The following LMLN variants were observed in gnomAD, a reference collection of about 807,000 sequenced individuals.
The protein encoded by LMLN is leishmanolysin like peptidase.
Under a neutral mutation model 92.3 loss-of-function variants are expected in LMLN, and 70 were observed. That is an observed-to-expected ratio of 0.76 (90% CI 0.63 to 0.92). The LOEUF is 0.92. Ranked by LOEUF, LMLN falls within the 40% of genes least tolerant of loss-of-function variation. LMLN has a pLI of 0.00. For synonymous variants in LMLN, 308 were observed against 296.2 expected (o/e 1.04, Z -0.41); for missense variants, 691 against 814.6 (o/e 0.85, Z 1.85).
intron 14 of LMLN, among the ~76,000 whole-genome samples, chr3:198,035,538 T>A (rs1191116122): frequency 2.0e-5 from 3 of 151,748 alleles, no homozygotes; most frequent in African/African-American, 7.3e-5. Context: ...AGTTTTTGTA[T>A]TTTTAGTAGA....
intron 10 of LMLN, among the ~76,000 whole-genome samples, chr3:197,997,164 C>T (rs1362908046): frequency 6.7e-6 from 1 of 150,366 alleles, no homozygotes; most frequent in East Asian, 2.0e-4. Context: ...TGTCTCACTC[C>T]ACTTGGTCAG....
In LMLN at chr3:198,019,892, A is replaced by G. The variant is rs906833041; in HGVS notation, c.1365+507A>G. ...ATCTTTTTTTCCGAGACCGAGTCTC[A>G]CTCTGTCGCCCAGGCTGGAGTGCAG... On this transcript the variant is annotated intron_variant, in intron 12 of 15. Transcript: ENST00000330198. The surrounding 1 kb of genome is among the most constrained non-coding windows in gnomAD (Gnocchi z 5.5). Among the ~76,000 whole-genome samples, 1 of 152,070 alleles carries G rather than the reference A, an allele frequency of 6.6e-6. No individual in the cohort carries two copies. Among genetic ancestry groups the G allele is most frequent in the East Asian group, 1.9e-4 (1 of 5,166 alleles).
chr3:198,035,309 A>T (rs1203816167), intron 14 of LMLN, among the ~76,000 whole-genome samples: 1 of 149,252 alleles, frequency 6.7e-6, no homozygotes, highest in African/African-American at 2.5e-5. Context: ...AAGTTTAAGA[A>T]CTCCTGCCAC....
rs57863980 is a variant in LMLN at position 197,978,218 on chromosome 3, A to G, written c.549+1503A>G. Among the ~76,000 whole-genome samples, 256 of 152,372 alleles carry G rather than the reference A, an allele frequency of 1.7e-3. 1 individual carries two copies. The highest frequency in any genetic ancestry group is 3.6e-3 in the African/African-American group (149 of 41,584). The stretch of plus-strand genomic sequence containing the variant: ...GTATACACACGTTAATTCTGGATAC[A>G]TATAAAAATGTTAATCATTTCTTTA... On this transcript the variant is annotated intron_variant, in intron 5 of 15. Coordinates refer to ENST00000330198, the Ensembl canonical transcript of LMLN.
chr3:197,986,525 T>C (rs1453624600), intron 8 of LMLN, among the ~76,000 whole-genome samples: 3 of 152,180 alleles, frequency 2.0e-5, no homozygotes, highest in African/African-American at 7.2e-5. Context: ...GTTACAGATA[T>C]AAAGAATTGG....
intron 14 of LMLN, among the ~76,000 whole-genome samples, chr3:198,027,476 G>A (rs373384518): frequency 6.6e-6 from 1 of 151,936 alleles, no homozygotes; most frequent in African/African-American, 2.4e-5. Context: ...GCCACCGAGC[G>A]TCTCAGAAAC....
exon 16 of LMLN, chr3:198,038,943 C>T (rs1723317075): frequency 3.6e-6 from 1 of 281,440 alleles, no homozygotes; most frequent in Non-Finnish European, 6.4e-6. Flanking sequence ...CCAACCACCT[C>T]GTCAGCAACC....
intron 10 of LMLN, 39 bp downstream of exon 10, chr3:197,996,321 G>A: frequency 8.0e-7 from 1 of 1,246,756 alleles, no homozygotes; most frequent in Non-Finnish European, 1.1e-6. Flanking sequence ...TTTATTTAAT[G>A]AAAATAATTC....
chr3:198,034,380 C>T (rs914239663), intron 14 of LMLN, among the ~76,000 whole-genome samples: 51 of 152,034 alleles, frequency 3.4e-4, no homozygotes, highest in African/African-American at 1.2e-3. Flanking sequence ...GAGGCCGAGG[C>T]GGGCAGATCA....
At chr3:198,040,418 A>C (rs919537214) in exon 16 of LMLN, 2 of 152,290 alleles carry the variant, frequency 1.3e-5, no homozygotes, top group African/African-American at 4.8e-5. Context: ...TTTAACAAGA[A>C]TATGAAAAGA....
At chr3:198,021,639 A>G (rs750192582) in intron 13 of LMLN, 34 bp downstream of exon 14, 3 of 1,568,674 alleles carry the variant, frequency 1.9e-6, no homozygotes, top group South Asian at 1.1e-5. Flanking sequence ...TATTATATAC[A>G]TATTAAAATT....
intron 11 of LMLN, among the ~76,000 whole-genome samples, chr3:198,014,183 A>C (rs1722545158): frequency 6.8e-6 from 1 of 147,348 alleles, no homozygotes; most frequent in African/African-American, 2.6e-5. Flanking sequence ...AGAGCCTCCT[A>C]ACTAGTCTGA....
intron 14 of LMLN, among the ~76,000 whole-genome samples, chr3:198,028,538 G>A (rs924454681): frequency 2.0e-5 from 3 of 152,186 alleles, no homozygotes; most frequent in African/African-American, 7.2e-5. Context: ...AGACCTTTAA[G>A]CGTGTGTTTT....
exon 15 of LMLN, chr3:198,035,851 G>C: frequency 6.2e-7 from 1 of 1,613,728 alleles, no homozygotes; most frequent in African/African-American, 1.3e-5. Context: ...TTCTCCTCAA[G>C]GTCTGAAAGT....
intron 1 of LMLN, among the ~76,000 whole-genome samples, chr3:197,972,809 A>G (rs1391016864): frequency 6.6e-6 from 1 of 151,996 alleles, no homozygotes. Flanking sequence ...TATCGCATAC[A>G]TATGTAATTT....
intron 14 of LMLN, among the ~76,000 whole-genome samples, chr3:198,030,648 G>A (rs1372251979): frequency 6.6e-6 from 1 of 152,162 alleles, no homozygotes; most frequent in Non-Finnish European, 1.5e-5. Flanking sequence ...TTGGGATCTC[G>A]AGTCAGGATC....
chr3:197,968,888 G>T (rs1721144908), intron 1 of LMLN, among the ~76,000 whole-genome samples: 1 of 152,050 alleles, frequency 6.6e-6, no homozygotes, highest in South Asian at 2.1e-4. Flanking sequence ...CTTTGATATT[G>T]GACTATTCAG....
chr3:197,967,734 A>AC (rs1721099123), intron 1 of LMLN, among the ~76,000 whole-genome samples: 1 of 152,234 alleles, frequency 6.6e-6, no homozygotes, highest in Non-Finnish European at 1.5e-5. Context: ...CCCTGAGGGT[A>AC]CTGCAGGAGA....
intron 12 of LMLN, among the ~76,000 whole-genome samples, chr3:198,020,779 T>G (rs967021534): frequency 7.6e-6 from 1 of 132,246 alleles, no homozygotes; most frequent in African/African-American, 2.9e-5. Flanking sequence ...TTTTTTTTTT[T>G]TTTTTTTTTT....
Sources: allele counts gnomAD v4.1 joint callset (sites outside exome capture counted in the v4.1 genomes callset), GRCh38; gene constraint gnomAD v4.1.1; non-coding constraint Gnocchi (gnomAD v3.1); transcripts MANE v1.5; gene names NCBI Gene and HGNC (gene_info 2026-07-23, HGNC 2026-07-21).